Variants in RNF150 observed in about 807,000 individuals in gnomAD.
RNF150 encodes the protein ring finger protein 150.
RNF150 carries 24 observed loss-of-function variants against 39.3 expected under a neutral mutation model. The observed-to-expected ratio is 0.61, with a 90% confidence interval of 0.44 to 0.86. The LOEUF (loss-of-function observed/expected upper bound fraction) is 0.86. Ranked by LOEUF, RNF150 falls within the 40% of genes least tolerant of loss-of-function variation. The probability of loss-of-function intolerance (pLI) is 0.00; values close to 1 mark genes in which losing one functional copy is unlikely to be tolerated. For synonymous variants in RNF150, 255 were observed against 227.3 expected (o/e 1.12, Z -1.10); for missense variants, 502 against 587.8 (o/e 0.85, Z 1.51).
rs1728437161 is a variant in RNF150, at chr4:140,860,359, A to G, written c.*7902T>C. ...TAATTCACTAGTACTTATTTCGGCA[A>G]TTAAGAACTGAAGTCCAAATGAAAG... is the stretch of plus-strand genomic sequence containing the variant. On this transcript the variant is annotated 3_prime_UTR_variant, in exon 7 of 7. Coordinates refer to ENST00000515673, the MANE Select transcript of RNF150 (RefSeq NM_020724.2). 1.3e-5 allele frequency: 2 copies of G among 152,250 alleles called. No individual in the cohort carries two copies. Among genetic ancestry groups the G allele is most frequent in the Admixed American group, 1.3e-4 (2 of 15,284 alleles). 9.4% of individuals were successfully genotyped at this position (152,250 alleles called of 1,614,324 possible).
intron 1 of RNF150, among the ~76,000 whole-genome samples, chr4:141,164,691 T>C (rs563838440): frequency 6.6e-6 from 1 of 152,300 alleles, no homozygotes; most frequent in East Asian, 1.9e-4. Flanking sequence ...CAGAATTTCA[T>C]GTCCAACCAA....
At chr4:141,010,783 T>C (rs564962234) in intron 1 of RNF150, among the ~76,000 whole-genome samples, 1 of 152,232 alleles carries the variant, frequency 6.6e-6, no homozygotes, top group South Asian at 2.1e-4. Context: ...CTCCAGAAGA[T>C]GGACCCAGGG....
chr4:140,897,066 A>G (rs866582848), intron 6 of RNF150, among the ~76,000 whole-genome samples: 1 of 152,162 alleles, frequency 6.6e-6, no homozygotes, highest in African/African-American at 2.4e-5. Flanking sequence ...TATTGCATGT[A>G]TCAACACACA....
chr4:141,100,625 G>A (rs989568437), intron 1 of RNF150, among the ~76,000 whole-genome samples: 1 of 152,144 alleles, frequency 6.6e-6, no homozygotes, highest in Non-Finnish European at 1.5e-5. Flanking sequence ...ATCTGACTAA[G>A]GGTACTATAC....
intron 1 of RNF150, among the ~76,000 whole-genome samples, chr4:141,156,861 T>C (rs775218497): frequency 3.3e-5 from 5 of 151,922 alleles, no homozygotes; most frequent in African/African-American, 4.8e-5. Context: ...GAGCCAAGAT[T>C]GCACCACAGC....
At chr4:141,173,784 C>T (rs1262106663) in intron 1 of RNF150, among the ~76,000 whole-genome samples, 2 of 152,110 alleles carry the variant, frequency 1.3e-5, no homozygotes, top group Non-Finnish European at 1.5e-5. Context: ...TAAATGAACA[C>T]AAATAATAAA....
intron 1 of RNF150, among the ~76,000 whole-genome samples, chr4:141,092,499 AT>A (rs1179004537): frequency 6.6e-6 from 1 of 152,208 alleles, no homozygotes; most frequent in Non-Finnish European, 1.5e-5. Flanking sequence ...CCTTAGCATC[AT>A]TTATTAAAAA....
chr4:141,026,738 A>G (rs1037293695), intron 1 of RNF150, among the ~76,000 whole-genome samples: 1 of 152,208 alleles, frequency 6.6e-6, no homozygotes, highest in Non-Finnish European at 1.5e-5. Flanking sequence ...CCTTCCTGAA[A>G]AATAGGCAGT....
intron 1 of RNF150, among the ~76,000 whole-genome samples, chr4:141,082,668 A>C (rs1215593098): frequency 6.8e-6 from 1 of 148,038 alleles, no homozygotes; most frequent in Non-Finnish European, 1.5e-5. Flanking sequence ...GGCTCACTGC[A>C]AGCTCCGCCT....
chr4:141,042,532 T>C (rs1214441696), intron 1 of RNF150, among the ~76,000 whole-genome samples: 1 of 152,076 alleles, frequency 6.6e-6, no homozygotes, highest in East Asian at 1.9e-4. Context: ...AAATGCAATT[T>C]AGTTCCATTA....
At chr4:140,997,208 G>A (rs1224910348) in intron 1 of RNF150, among the ~76,000 whole-genome samples, 2 of 152,206 alleles carry the variant, frequency 1.3e-5, no homozygotes, top group Admixed American at 1.3e-4. Context: ...TTGTATATGT[G>A]AGAAAACTAT....
At chr4:141,086,559 A>C (rs771297906) in intron 1 of RNF150, among the ~76,000 whole-genome samples, 1 of 152,122 alleles carries the variant, frequency 6.6e-6, no homozygotes, top group Non-Finnish European at 1.5e-5. Flanking sequence ...ACTACAGATG[A>C]ACTATATGCA....
chr4:141,166,974 T>A (rs879488060), intron 1 of RNF150, among the ~76,000 whole-genome samples: 6 of 151,924 alleles, frequency 3.9e-5, no homozygotes, highest in Non-Finnish European at 5.9e-5. Flanking sequence ...AAACAAAGGG[T>A]ATTCAAATAG....
intron 1 of RNF150, among the ~76,000 whole-genome samples, chr4:141,014,501 G>A (rs374633114): frequency 1.7e-4 from 26 of 152,100 alleles, no homozygotes; most frequent in African/African-American, 4.8e-4. Flanking sequence ...TCTCCAACAC[G>A]TTATCTTTCA....
intron 1 of RNF150, among the ~76,000 whole-genome samples, chr4:141,046,007 A>G (rs1009319887): frequency 6.6e-6 from 1 of 152,208 alleles, no homozygotes; most frequent in African/African-American, 2.4e-5. Flanking sequence ...TACAAGGTTG[A>G]GTTGAAATAA....
At chr4:140,981,050 G>T (rs944417559) in intron 1 of RNF150, among the ~76,000 whole-genome samples, 4 of 152,082 alleles carry the variant, frequency 2.6e-5, no homozygotes, top group Non-Finnish European at 5.9e-5. Flanking sequence ...GGCTCAGATT[G>T]GAAAATCCCT....
In RNF150 at chr4:140,902,694, C is replaced by A. The variant is rs145509105; in HGVS notation, c.1198+8450G>T. The stretch of plus-strand genomic sequence containing the variant: ...ATTTACACTGAAGTCTGTATAAGAA[C>A]CAGGTGAATACTGCATAACAGCATT... On this transcript the variant is annotated intron_variant, in intron 6 of 6. Coordinates refer to ENST00000515673, the MANE Select transcript of RNF150 (RefSeq NM_020724.2). Among the ~76,000 whole-genome samples, 8 of 152,112 alleles carry A rather than the reference C, an allele frequency of 5.3e-5. No homozygotes were observed. The East Asian group carries it at 1.5e-3, about 29-fold the overall frequency.
chr4:140,947,961 T>G (rs528477727), intron 3 of RNF150, among the ~76,000 whole-genome samples: 1 of 152,320 alleles, frequency 6.6e-6, no homozygotes, highest in Admixed American at 6.5e-5. Flanking sequence ...AAAACCATTT[T>G]CTAAAGTACA....
chr4:141,079,904 G>A (rs1738085144), intron 1 of RNF150, among the ~76,000 whole-genome samples: 1 of 152,146 alleles, frequency 6.6e-6, no homozygotes, highest in African/African-American at 2.4e-5. Flanking sequence ...ATAAGTAAAT[G>A]GCAGTAAAAG....
Sources: gnomAD v4.1 joint callset for allele counts (sites outside exome capture counted in the v4.1 genomes callset) on GRCh38, gnomAD v4.1.1 for gene constraint, MANE v1.5 for transcripts, NCBI Gene and HGNC (gene_info 2026-07-23, HGNC 2026-07-21) for gene names.